Variants in PUS7 observed in about 807,000 individuals in gnomAD.
PUS7 encodes pseudouridylate synthase 7 homolog.
In PUS7, 48 loss-of-function variants were observed where a neutral mutation model predicts 79.8. The ratio of observed to expected loss-of-function variants is 0.60; its 90% CI spans 0.48 to 0.76. The LOEUF (loss-of-function observed/expected upper bound fraction) is 0.76, where lower values mean the gene tolerates loss of function less well. PUS7 is among the 30% of genes least tolerant of loss of function. PUS7 has a pLI of 0.00. For missense variants in PUS7, 729 were observed against 797.6 expected (o/e 0.91, Z 1.04); for synonymous variants, 286 against 272.2 (o/e 1.05, Z -0.50).
chr7:105,481,609 G>A (rs1586124498), intron 8 of PUS7, among the ~76,000 whole-genome samples: 1 of 151,988 alleles, frequency 6.6e-6, no homozygotes, highest in East Asian at 1.9e-4. Context: ...ATGAAACTCT[G>A]TACCCCTAAA....
At chr7:105,467,080 T>C (rs1420709408) in intron 12 of PUS7, among the ~76,000 whole-genome samples, 1 of 138,710 alleles carries the variant, frequency 7.2e-6, no homozygotes, top group African/African-American at 2.7e-5. Flanking sequence ...TGTGGAACTT[T>C]GGGCAAGTGA....
At chr7:105,478,991 C>T (rs1187066993) in intron 9 of PUS7, among the ~76,000 whole-genome samples, 2 of 152,150 alleles carry the variant, frequency 1.3e-5, no homozygotes, top group Non-Finnish European at 1.5e-5. Flanking sequence ...TACAAATTTA[C>T]AGGTTGATAC....
intron 7 of PUS7, among the ~76,000 whole-genome samples, chr7:105,484,731 T>C (rs575402884): frequency 1.5e-4 from 23 of 151,118 alleles, no homozygotes; most frequent in Non-Finnish European, 2.5e-4. Flanking sequence ...GGCAGGAGAA[T>C]TGCTTGAGCC....
intron 1 of PUS7, among the ~76,000 whole-genome samples, chr7:105,514,130 C>G (rs530192400): frequency 7.3e-6 from 1 of 137,266 alleles, no homozygotes; most frequent in East Asian, 2.2e-4. Flanking sequence ...ACTCGGGAGG[C>G]TGAGGCAGGA....
At position 105,483,321 on chromosome 7, in the gene PUS7, C is replaced by A. The variant is rs1467186078; in HGVS notation, c.921-881G>T. 2.0e-5 allele frequency among the ~76,000 whole-genome samples: 3 copies of A among 152,112 alleles called. No individual in the cohort carries two copies. In the East Asian group the frequency reaches 5.8e-4, roughly 29 times the overall value. On this transcript the variant is annotated intron_variant, in intron 7 of 15. Transcript: ENST00000469408. ...GGGCTTACAGGCGCACACCACCATG[C>A]CCGGCTAATTTTTTTTTAGTTTTAG... is the stretch of plus-strand genomic sequence containing the variant.
chr7:105,469,481 A>ATTTATT (rs2133071571), intron 11 of PUS7, among the ~76,000 whole-genome samples: 1 of 152,152 alleles, frequency 6.6e-6, no homozygotes, highest in Non-Finnish European at 1.5e-5. Flanking sequence ...TCATTTTGAG[A>ATTTATT]CGGAGTCTCA....
intron 7 of PUS7, among the ~76,000 whole-genome samples, chr7:105,489,790 C>T (rs185169780): frequency 8.5e-5 from 13 of 152,146 alleles, no homozygotes; most frequent in Middle Eastern, 3.4e-3. Context: ...GGAGATACCA[C>T]CATAAATTCT....
At chr7:105,462,834 T>C in intron 13 of PUS7, 84 bp from the exon 14 acceptor site, 1 of 1,286,996 alleles carries the variant, frequency 7.8e-7, no homozygotes, top group Non-Finnish European at 1.1e-6. Flanking sequence ...AGTAACAATG[T>C]AAGTTCAGTT....
intron 7 of PUS7, 76 bp downstream of exon 7, chr7:105,491,463 CA>C: frequency 4.3e-6 from 4 of 933,172 alleles, no homozygotes; most frequent in Non-Finnish European, 6.4e-6. Context: ...GAGAAACCCC[CA>C]AAGTAAATTT....
chr7:105,472,335 A>G lies in PUS7; in HGVS notation c.1176-142T>C, dbSNP rs1470270901. ...AGGCTCTACTCCCAGGCTCTAGTCTAGTGATTCTCCCACCTCAGCTTTCCC... is the reference window on the plus strand; with the variant it reads ...AGGCTCTACTCCCAGGCTCTAGTCTGGTGATTCTCCCACCTCAGCTTTCCC... On this transcript the variant is annotated intron_variant, in intron 9 of 15. Coordinates refer to ENST00000469408, the MANE Select transcript of PUS7 (RefSeq NM_019042.5). 1.7e-4 allele frequency: 94 copies of G among 548,768 alleles called. No homozygotes were observed. The East Asian group carries it at 2.9e-3, about 17-fold the overall frequency. The allele number at this position is 548,768 out of a possible 1,614,324, so 34.0% of individuals were successfully genotyped here.
chr7:105,508,016 T>C (rs2133253625), intron 2 of PUS7, 99 bp downstream of exon 2: 1 of 1,413,310 alleles, frequency 7.1e-7, no homozygotes, highest in Middle Eastern at 2.3e-4. Context: ...TAAACAAGCC[T>C]TGGAGATGGA....
At chr7:105,469,168 G>T (rs575294600) in intron 11 of PUS7, among the ~76,000 whole-genome samples, 2 of 152,170 alleles carry the variant, frequency 1.3e-5, no homozygotes, top group African/African-American at 2.4e-5. Context: ...GCCTCCCAAA[G>T]TGCTGGGATT....
At chr7:105,510,871 C>A (rs1205567349) in intron 1 of PUS7, among the ~76,000 whole-genome samples, 1 of 152,026 alleles carries the variant, frequency 6.6e-6, no homozygotes, top group African/African-American at 2.4e-5. Context: ...TAATTACATA[C>A]AAGATGCTGA....
chr7:105,475,150 T>A lies in PUS7; in HGVS notation c.1176-2957A>T, dbSNP rs191793893. 1.1e-4 allele frequency among the ~76,000 whole-genome samples: 16 copies of A among 152,312 alleles called. No individual in the cohort carries two copies. The East Asian group carries it at 3.1e-3, about 29-fold the overall frequency. On this transcript the variant is annotated intron_variant, in intron 9 of 15. Coordinates refer to ENST00000469408, the MANE Select transcript of PUS7 (RefSeq NM_019042.5). ...AAATATACAGAGATTTGGTTTACAA[T>A]AGGCTGTACTATCTAGCACGCTGCA...
chr7:105,515,827 T>TTTATTTATTTA (rs1825874704), intron 1 of PUS7, among the ~76,000 whole-genome samples: 1 of 90,630 alleles, frequency 1.1e-5, no homozygotes, highest in South Asian at 3.1e-4. Flanking sequence ...TTATTTATTT[T>TTTATTTATTTA]GAGACAGAGT....
chr7:105,462,018 G>A (rs1396710259), intron 14 of PUS7, among the ~76,000 whole-genome samples: 1 of 150,228 alleles, frequency 6.7e-6, no homozygotes, highest in African/African-American at 2.5e-5. Flanking sequence ...ATTCCAGCCT[G>A]GGTGACAGAA....
intron 13 of PUS7, among the ~76,000 whole-genome samples, chr7:105,464,772 C>T (rs1823568269): frequency 6.6e-6 from 1 of 151,712 alleles, no homozygotes; most frequent in African/African-American, 2.4e-5. Context: ...CTCAACTCCA[C>T]AATCAAGCAG....
chr7:105,477,527 A>G (rs113850488), intron 9 of PUS7, among the ~76,000 whole-genome samples: 3,022 of 152,220 alleles, frequency 0.02, 105 homozygotes, highest in African/African-American at 0.068. Flanking sequence ...GGCTGGGATT[A>G]CGGGCGTGAG....
At chr7:105,485,263 G>A (rs1350079137) in intron 7 of PUS7, among the ~76,000 whole-genome samples, 3 of 152,214 alleles carry the variant, frequency 2.0e-5, no homozygotes, top group South Asian at 2.1e-4. Context: ...AGGCTGGAGC[G>A]CAATGGCGCG....
Sources: allele counts gnomAD v4.1 joint callset (sites outside exome capture counted in the v4.1 genomes callset), GRCh38; gene constraint gnomAD v4.1.1; transcripts MANE v1.5; gene names NCBI Gene and HGNC (gene_info 2026-07-23, HGNC 2026-07-21).